The following CLEC2A variants were observed in gnomAD, a reference collection of about 807,000 sequenced individuals.
CLEC2A encodes keratinocyte-associated C-type lectin.
CLEC2A carries 19 observed loss-of-function variants against 18.6 expected under a neutral mutation model. The observed-to-expected ratio is 1.02, with a 90% CI of 0.71 to 1.50. The LOEUF is 1.50. Among genes scored for constraint, CLEC2A ranks in the 40% most tolerant of loss-of-function variants. CLEC2A has a pLI of 0.00. For missense variants in CLEC2A, 190 were observed against 207.9 expected, an observed-to-expected ratio of 0.91 and a Z score of 0.53; for synonymous variants, 74 against 64.0, an observed-to-expected ratio of 1.16 and a Z score of -0.75.
At chr12:9,923,593 A>G (rs1210973303) in intron 2 of CLEC2A, among the ~76,000 whole-genome samples, 1 of 152,140 alleles carries the variant, frequency 6.6e-6, no homozygotes, top group Non-Finnish European at 1.5e-5. Flanking sequence ...TACCCGAAGG[A>G]TTATAAATCA....
At chr12:9,891,986 A>G in the CLEC2A span, among the ~76,000 whole-genome samples, 1 of 152,340 alleles carries the variant, frequency 6.6e-6, no homozygotes, top group African/African-American at 2.4e-5. Flanking sequence ...TATATACAAA[A>G]TACTAAATGA....
chr12:9,903,631 T>G (rs1001186190), intron 4 of CLEC2A, among the ~76,000 whole-genome samples: 1 of 152,226 alleles, frequency 6.6e-6, no homozygotes, highest in Non-Finnish European at 1.5e-5. Flanking sequence ...AATGTTATTC[T>G]ATTTTCCCAA....
chr12:9,896,293 G>A (rs980520653), downstream of CLEC2A, among the ~76,000 whole-genome samples: 4 of 152,130 alleles, frequency 2.6e-5, no homozygotes, highest in South Asian at 2.1e-4. Flanking sequence ...AGTGGGTAAT[G>A]AGAAATTACC....
At chr12:9,917,782 T>C (rs1341071082) in intron 3 of CLEC2A, among the ~76,000 whole-genome samples, 1 of 152,244 alleles carries the variant, frequency 6.6e-6, no homozygotes, top group Non-Finnish European at 1.5e-5. Context: ...TTTTGACTTT[T>C]TAATAATATC....
At chr12:9,911,141 A>C (rs1234058689), downstream of CLEC2A, among the ~76,000 whole-genome samples, 1 of 152,178 alleles carries the variant, frequency 6.6e-6, no homozygotes, top group Non-Finnish European at 1.5e-5. Flanking sequence ...TTGGCTAAAC[A>C]CTTAAACCTT....
the CLEC2A span, among the ~76,000 whole-genome samples, chr12:9,889,551 T>C: frequency 6.6e-6 from 1 of 152,106 alleles, no homozygotes; most frequent in Non-Finnish European, 1.5e-5. Context: ...TTCCTGGGTT[T>C]TCATCCTGTT....
chr12:9,894,330 TGC>T (rs1862729043), downstream of CLEC2A, among the ~76,000 whole-genome samples: 1 of 151,840 alleles, frequency 6.6e-6, no homozygotes, highest in Non-Finnish European at 1.5e-5. Flanking sequence ...ACAGGTGTGG[TGC>T]CATCACACCT....
chr12:9,903,396 A>C (rs1251466331), intron 4 of CLEC2A, among the ~76,000 whole-genome samples: 1 of 152,218 alleles, frequency 6.6e-6, no homozygotes, highest in Non-Finnish European at 1.5e-5. Context: ...AAAAGAAGTA[A>C]GGATTGAGGA....
At chr12:9,883,798 G>C in the CLEC2A span, among the ~76,000 whole-genome samples, 3,227 of 152,188 alleles carry the variant, frequency 0.021, 117 homozygotes, top group African/African-American at 0.073. Flanking sequence ...ATATACTATA[G>C]ATCTAATCAA....
At chr12:9,932,151 C>A in intron 1 of CLEC2A, 124 bp downstream of exon 1, 1 of 690,056 alleles carries the variant, frequency 1.4e-6, no homozygotes, top group Non-Finnish European at 2.5e-6. Flanking sequence ...TCCGGAAGTG[C>A]TTCCCCATCC....
At chr12:9,890,228 T>G in the CLEC2A span, among the ~76,000 whole-genome samples, 1 of 152,220 alleles carries the variant, frequency 6.6e-6, no homozygotes, top group African/African-American at 2.4e-5. Flanking sequence ...GCATTTGTTT[T>G]TGATTGATAT....
At chr12:9,891,997 T>C in the CLEC2A span, among the ~76,000 whole-genome samples, 3 of 152,186 alleles carry the variant, frequency 2.0e-5, no homozygotes, top group African/African-American at 7.2e-5. Context: ...TACTAAATGA[T>C]AAGAGAGTCA....
chr12:9,905,364 G>T (rs746598711), intron 4 of CLEC2A, among the ~76,000 whole-genome samples: 1 of 152,202 alleles, frequency 6.6e-6, no homozygotes, highest in South Asian at 2.1e-4. Context: ...GTGCTGATGT[G>T]CAGGGAACAC....
the CLEC2A span, among the ~76,000 whole-genome samples, chr12:9,889,359 G>A: frequency 6.6e-6 from 1 of 152,016 alleles, no homozygotes; most frequent in Non-Finnish European, 1.5e-5. Context: ...TCACTGGGAA[G>A]ATATTTTTTA....
the CLEC2A span, among the ~76,000 whole-genome samples, chr12:9,888,135 A>G: frequency 1.3e-5 from 2 of 151,274 alleles, no homozygotes; most frequent in African/African-American, 4.9e-5. Context: ...TAAAAAGTCC[A>G]GTGAAAAAAA....
intron 4 of CLEC2A, among the ~76,000 whole-genome samples, chr12:9,899,344 C>A (rs776522119): frequency 6.6e-6 from 1 of 151,906 alleles, no homozygotes; most frequent in Non-Finnish European, 1.5e-5. Flanking sequence ...AGGAGTATCC[C>A]GTAGTATGGA....
the CLEC2A span, chr12:9,884,996 A>G: frequency 7.5e-7 from 1 of 1,329,834 alleles, no homozygotes; most frequent in Non-Finnish European, 9.7e-7. Context: ...TGTGATCCTT[A>G]TATTCATTAT....
chr12:9,901,100 A>C (rs1007376653), intron 4 of CLEC2A, among the ~76,000 whole-genome samples: 2 of 152,230 alleles, frequency 1.3e-5, no homozygotes, highest in African/African-American at 4.8e-5. Flanking sequence ...AAGGATCAAT[A>C]ATATTCCAAG....
In CLEC2A at chr12:9,932,364, G is replaced by C. The variant is rs1468830094; in HGVS notation, c.-35C>G. On this transcript the variant is annotated 5_prime_UTR_variant, in exon 1 of 5. Transcript: ENST00000455827. ...CTAACCGATGGAGATCAGTAGGAGA[G>C]GACTAGAAAGCTTTTCATGTACATC... is the stretch of plus-strand genomic sequence containing the variant. The C allele has an allele frequency of 6.5e-7, 1 of 1,550,094 alleles. No individual in the cohort carries two copies. The highest frequency in any genetic ancestry group is 1.4e-5 in the African/African-American group (1 of 72,986).
Sources: allele counts gnomAD v4.1 joint callset (sites outside exome capture counted in the v4.1 genomes callset), GRCh38; gene constraint gnomAD v4.1.1; transcripts MANE v1.5; gene names NCBI Gene and HGNC (gene_info 2026-07-23, HGNC 2026-07-21).